The following FER1L6 variants were observed in gnomAD, a reference collection of about 807,000 sequenced individuals.
The protein encoded by FER1L6 is fer-1-like protein 6.
Under a neutral mutation model 219.2 loss-of-function variants are expected in FER1L6, and 177 were observed. The ratio of observed to expected loss-of-function variants is 0.81; its 90% CI spans 0.71 to 0.91. FER1L6 has a LOEUF of 0.91. Ranked by LOEUF, FER1L6 falls within the 40% of genes least tolerant of loss-of-function variation. The pLI is 0.00. For synonymous variants in FER1L6, 768 were observed against 824.3 expected (o/e 0.93, Z 1.17); for missense variants, 2,153 against 2,259.9 (o/e 0.95, Z 0.96).
rs375758950 is a variant in FER1L6, at chr8:124,119,696, T to A, written c.5480T>A (p.Ile1827Asn). 2 of 1,613,338 alleles carry A rather than the reference T, an allele frequency of 1.2e-6. No homozygotes were observed. The highest frequency in any genetic ancestry group is 4.5e-5 in the East Asian group (2 of 44,876). The stretch of plus-strand genomic sequence containing the variant: ...AAGAATTACAAAAAGTACATCATCA[T>A]TGCTTTCATTCTCATCATCCTCATC... ...IWKNYKKYIIIAFILIILIIF... is the reference protein window; with the variant it reads ...IWKNYKKYIINAFILIILIIF... Residue 1827 changes from isoleucine (I) to asparagine (N), a missense_variant, in exon 41 of 41, where the codon ATT becomes AAT. Physicochemically the swap from Ile to Asn is moderately radical, Grantham distance 149. Coordinates refer to ENST00000522917, the MANE Select transcript of FER1L6 (RefSeq NM_001039112.2).
At chr8:123,956,741 G>A (rs553587675) in intron 2 of FER1L6, among the ~76,000 whole-genome samples, 72 of 152,326 alleles carry the variant, frequency 4.7e-4, no homozygotes, top group African/African-American at 1.7e-3. Flanking sequence ...GGTCCTTTAT[G>A]GCTGCACAGA....
intron 1 of FER1L6, among the ~76,000 whole-genome samples, chr8:123,890,647 T>C (rs1812628516): frequency 6.8e-6 from 1 of 147,064 alleles, no homozygotes; most frequent in African/African-American, 2.5e-5. Flanking sequence ...TTTTTTTTTT[T>C]TTACCTCTGA....
At chr8:123,877,432 C>G (rs1264300597) in intron 1 of FER1L6, among the ~76,000 whole-genome samples, 1 of 152,112 alleles carries the variant, frequency 6.6e-6, no homozygotes, top group African/African-American at 2.4e-5. Flanking sequence ...CCTGGGTTCT[C>G]TGGGCCCAGG....
At chr8:124,043,643 G>A (rs774072324) in intron 20 of FER1L6, among the ~76,000 whole-genome samples, 6 of 152,188 alleles carry the variant, frequency 3.9e-5, no homozygotes, top group Non-Finnish European at 5.9e-5. Context: ...ATGGAAGAGC[G>A]TGGATTTCGA....
chr8:123,946,899 C>T (rs1169118343), intron 1 of FER1L6, among the ~76,000 whole-genome samples: 1 of 152,118 alleles, frequency 6.6e-6, no homozygotes, highest in African/African-American at 2.4e-5. Flanking sequence ...ATCAAAATGG[C>T]AGAGTGTACT....
At chr8:123,882,764 A>G (rs138688630) in intron 1 of FER1L6, among the ~76,000 whole-genome samples, 65 of 152,300 alleles carry the variant, frequency 4.3e-4, no homozygotes, top group Non-Finnish European at 8.2e-4. Context: ...GAGGATTTTT[A>G]GGGCAGTGAA....
chr8:124,064,664 A>T, intron 26 of FER1L6, 91 bp downstream of exon 26: 2 of 1,089,982 alleles, frequency 1.8e-6, no homozygotes, highest in Non-Finnish European at 2.7e-6. Context: ...CAGTGTGACC[A>T]TGGGCAAGCA....
At chr8:124,074,905 T>C (rs1031928640) in intron 31 of FER1L6, among the ~76,000 whole-genome samples, 5 of 152,064 alleles carry the variant, frequency 3.3e-5, no homozygotes, top group Non-Finnish European at 7.4e-5. Flanking sequence ...TATCTAAACA[T>C]AGAAAGGTAC....
chr8:124,076,029 C>T (rs148694039), intron 31 of FER1L6, among the ~76,000 whole-genome samples, 169 bp from the exon 32 acceptor site: 3 of 152,298 alleles, frequency 2.0e-5, no homozygotes, highest in East Asian at 3.9e-4. Flanking sequence ...TGGCTGCACA[C>T]TAGAATTATC....
chr8:123,901,953 T>C (rs1166720988), intron 1 of FER1L6, among the ~76,000 whole-genome samples: 1 of 151,916 alleles, frequency 6.6e-6, no homozygotes, highest in African/African-American at 2.4e-5. Flanking sequence ...ATCTCCAGAC[T>C]TCGTTATCCC....
intron 20 of FER1L6, among the ~76,000 whole-genome samples, chr8:124,040,267 C>A (rs6995745): frequency 0.86 from 130,411 of 152,242 alleles, 56,100 homozygotes; most frequent in African/African-American, 0.9. Context: ...AGGAATGAGG[C>A]GGAGAAGGCT....
At chr8:124,073,539 G>A (rs945425610) in intron 31 of FER1L6, among the ~76,000 whole-genome samples, 3 of 152,028 alleles carry the variant, frequency 2.0e-5, no homozygotes, top group South Asian at 2.1e-4. Context: ...CTTAAAACTC[G>A]CATAAAGAAA....
chr8:124,078,099 C>A (rs1234219652), intron 32 of FER1L6, among the ~76,000 whole-genome samples: 3 of 152,146 alleles, frequency 2.0e-5, no homozygotes. Flanking sequence ...GGGACTTAGT[C>A]TAGTCTGGTT....
intron 19 of FER1L6, among the ~76,000 whole-genome samples, chr8:124,036,605 G>A (rs1819226237): frequency 6.6e-6 from 1 of 152,128 alleles, no homozygotes; most frequent in South Asian, 2.1e-4. Flanking sequence ...CATACCTTGA[G>A]AGAGTTTTCA....
intron 1 of FER1L6, among the ~76,000 whole-genome samples, chr8:123,898,796 C>CAT (rs1389685732): frequency 4.2e-4 from 33 of 77,752 alleles, no homozygotes; most frequent in African/African-American, 1.3e-3. Context: ...TACATATATA[C>CAT]ATATATACAC....
chr8:124,048,908 T>A (rs919319273), intron 21 of FER1L6, among the ~76,000 whole-genome samples: 1 of 152,168 alleles, frequency 6.6e-6, no homozygotes, highest in Non-Finnish European at 1.5e-5. Context: ...TGCTGCCGCC[T>A]GATTTTTCCT....
At chr8:123,959,302 T>C (rs1465531038) in intron 2 of FER1L6, among the ~76,000 whole-genome samples, 1 of 152,200 alleles carries the variant, frequency 6.6e-6, no homozygotes, top group Admixed American at 6.5e-5. Context: ...GCATCTACTC[T>C]AGCACCTTTT....
intron 1 of FER1L6, among the ~76,000 whole-genome samples, chr8:123,854,122 G>A (rs542701053): frequency 1.6e-4 from 25 of 152,240 alleles, no homozygotes; most frequent in African/African-American, 2.4e-4. Context: ...GGACAGTTAC[G>A]GCTCCAACAT....
At chr8:124,082,559 G>C in intron 33 of FER1L6, 101 bp downstream of exon 33, 1 of 1,115,922 alleles carries the variant, frequency 9.0e-7, no homozygotes, top group Non-Finnish European at 1.3e-6. Flanking sequence ...AGGAAGGCCA[G>C]ACCAGGCTCA....
Sources: allele counts gnomAD v4.1 joint callset (sites outside exome capture counted in the v4.1 genomes callset), GRCh38; gene constraint gnomAD v4.1.1; transcripts MANE v1.5; gene names NCBI Gene and HGNC (gene_info 2026-07-23, HGNC 2026-07-21).